MNAT1: variants seen among roughly 807,000 people sequenced by gnomAD.
MNAT1 encodes the protein CDK-activating kinase assembly factor MAT1.
In MNAT1, 43 loss-of-function variants were observed where a neutral mutation model predicts 42.0. The ratio of observed to expected loss-of-function variants is 1.02; its 90% CI spans 0.80 to 1.32. The LOEUF (loss-of-function observed/expected upper bound fraction) is 1.32. MNAT1 is among the 40% of genes most tolerant of loss of function. The probability of loss-of-function intolerance (pLI) is 0.00; values close to 1 mark genes in which losing one functional copy is unlikely to be tolerated. For missense variants in MNAT1, 306 were observed against 350.4 expected, an observed-to-expected ratio of 0.87 and a Z score of 1.01; for synonymous variants, 118 against 120.0, an observed-to-expected ratio of 0.98 and a Z score of 0.11.
rs929251695 is a variant in MNAT1 at position 60,859,742 on chromosome 14, C to T, written c.688-19972C>T. On this transcript the variant is annotated intron_variant, in intron 6 of 7. Coordinates refer to ENST00000261245, the MANE Select transcript of MNAT1 (RefSeq NM_002431.4). ...CAGTTCAGTCTCTTTCCTCTTGACA[C>T]CTTACTGATACCAGGAAGTTTTGAT... 3.3e-5 allele frequency among the ~76,000 whole-genome samples: 5 copies of T among 152,068 alleles called. No individual in the cohort carries two copies. The East Asian group carries it at 7.7e-4, about 23-fold the overall frequency.
At chr14:60,900,355 A>C (rs1414322211) in intron 7 of MNAT1, among the ~76,000 whole-genome samples, 1 of 152,356 alleles carries the variant, frequency 6.6e-6, no homozygotes, top group South Asian at 2.1e-4. Flanking sequence ...GAACACATGA[A>C]TGTTAAGAAA....
intron 4 of MNAT1, among the ~76,000 whole-genome samples, chr14:60,810,726 A>T (rs951704798): frequency 1.3e-5 from 2 of 152,170 alleles, no homozygotes; most frequent in African/African-American, 4.8e-5. Flanking sequence ...GTATGATTTC[A>T]GTCTTCTTAA....
At chr14:60,766,424 C>CT (rs1266709741) in intron 1 of MNAT1, among the ~76,000 whole-genome samples, 3 of 151,512 alleles carry the variant, frequency 2.0e-5, no homozygotes, top group African/African-American at 7.3e-5. Context: ...TTTTAAAAAT[C>CT]TTTTTGTGGC....
At chr14:60,910,319 C>T (rs1186447412) in intron 7 of MNAT1, among the ~76,000 whole-genome samples, 2 of 152,104 alleles carry the variant, frequency 1.3e-5, no homozygotes, top group African/African-American at 2.4e-5. Flanking sequence ...CTTTTATTTC[C>T]TTCTCCTGCC....
chr14:60,761,912 G>C, intron 1 of MNAT1, among the ~76,000 whole-genome samples: 1 of 151,982 alleles, frequency 6.6e-6, no homozygotes, highest in East Asian at 1.9e-4. Context: ...ATTTTGTGTG[G>C]TTTGACAGTT....
At chr14:60,962,973 A>G (rs943039506) in intron 7 of MNAT1, among the ~76,000 whole-genome samples, 1 of 148,876 alleles carries the variant, frequency 6.7e-6, no homozygotes, top group African/African-American at 2.5e-5. Flanking sequence ...TCATGAAGCC[A>G]TATGTTTTTT....
intron 6 of MNAT1, among the ~76,000 whole-genome samples, chr14:60,825,924 G>C (rs1490957729): frequency 6.6e-6 from 1 of 152,104 alleles, no homozygotes; most frequent in Non-Finnish European, 1.5e-5. Context: ...ACTTGGAGAG[G>C]AACCAAGGAA....
In MNAT1 at chr14:60,946,268, A is replaced by G. The variant is rs141895813; in HGVS notation, c.810-21961A>G. Among the ~76,000 whole-genome samples, 534 of 152,280 alleles carry G rather than the reference A, an allele frequency of 3.5e-3. 3 individuals are homozygous for G. The highest frequency in any genetic ancestry group is 0.011 in the African/African-American group (466 of 41,562). On this transcript the variant is annotated intron_variant, in intron 7 of 7. Transcript: ENST00000261245. ...TCCTCTGACTACTGCTCTTTCTTCC[A>G]TATTCAATGAAAAACCTTTGAAAAA...
intron 6 of MNAT1, among the ~76,000 whole-genome samples, chr14:60,859,512 T>C (rs75845874): frequency 0.02 from 3,080 of 152,266 alleles, 90 homozygotes; most frequent in African/African-American, 0.071. Context: ...AATATGAAGA[T>C]GAAAAAAATT....
At chr14:60,753,532 T>C (rs913931067) in intron 1 of MNAT1, 4 of 152,146 alleles carry the variant, frequency 2.6e-5, no homozygotes, top group African/African-American at 7.2e-5. Context: ...TCGCACAACA[T>C]AGTAGCTTTC....
intron 6 of MNAT1, among the ~76,000 whole-genome samples, chr14:60,863,040 TG>T (rs1238272686): frequency 1.3e-5 from 2 of 152,038 alleles, no homozygotes; most frequent in Non-Finnish European, 2.9e-5. Flanking sequence ...CTTGAGTTTG[TG>T]ATCGAAAGAT....
At chr14:60,758,253 T>G (rs577182918) in intron 1 of MNAT1, among the ~76,000 whole-genome samples, 1 of 151,446 alleles carries the variant, frequency 6.6e-6, no homozygotes, top group African/African-American at 2.4e-5. Flanking sequence ...GTTGCCCAGG[T>G]GAGAGTGCAG....
intron 3 of MNAT1, among the ~76,000 whole-genome samples, chr14:60,804,049 T>A (rs144079041): frequency 3.9e-5 from 6 of 152,328 alleles, no homozygotes; most frequent in Admixed American, 3.3e-4. Context: ...ATTCTTTTGG[T>A]GCAGAGAATA....
chr14:60,904,976 C>CTTTTTT lies in MNAT1; in HGVS notation c.809+25153_809+25158dup, dbSNP rs3081651. ...AAAACAATAGATTGTTCAGCAGTTC[C>CTTTTTT]TTTTTTTTTTTTTTTTTGGACGGAG... is the stretch of plus-strand genomic sequence containing the variant. On this transcript the variant is annotated intron_variant, in intron 7 of 7. Coordinates refer to ENST00000261245, the MANE Select transcript of MNAT1 (RefSeq NM_002431.4). 2.4e-4 allele frequency among the ~76,000 whole-genome samples: 19 copies of CTTTTTT among 79,010 alleles called. 7 individuals are homozygous for CTTTTTT. Among genetic ancestry groups the CTTTTTT allele is most frequent in the East Asian group, 1.9e-3 (5 of 2,626 alleles). 51.8% of individuals were successfully genotyped at this position (79,010 alleles called of 152,430 possible). A position where few individuals can be genotyped will look rare whatever the true frequency, so the allele number is the denominator to read the frequency against.
intron 1 of MNAT1, among the ~76,000 whole-genome samples, chr14:60,766,483 G>A (rs2030827066): frequency 6.6e-6 from 1 of 152,200 alleles, no homozygotes; most frequent in Non-Finnish European, 1.5e-5. Context: ...GGAGGCCAAG[G>A]CCGGTGGATC....
At chr14:60,948,629 C>T (rs187054343) in intron 7 of MNAT1, among the ~76,000 whole-genome samples, 18 of 152,204 alleles carry the variant, frequency 1.2e-4, no homozygotes, top group Non-Finnish European at 1.5e-4. Flanking sequence ...CTGACTTCTC[C>T]GGGTGACCAG....
intron 6 of MNAT1, among the ~76,000 whole-genome samples, chr14:60,873,341 A>G (rs2034369285): frequency 6.6e-6 from 1 of 152,134 alleles, no homozygotes. Context: ...TTATAGCCAT[A>G]AATATAAAAC....
At chr14:60,791,877 A>C (rs926262948) in intron 1 of MNAT1, among the ~76,000 whole-genome samples, 1 of 152,184 alleles carries the variant, frequency 6.6e-6, no homozygotes, top group Non-Finnish European at 1.5e-5. Flanking sequence ...ATATTCTTTT[A>C]AAATTCCAGT....
chr14:60,940,047 A>T (rs143903023), intron 7 of MNAT1, among the ~76,000 whole-genome samples: 27 of 152,272 alleles, frequency 1.8e-4, no homozygotes, highest in African/African-American at 5.8e-4. Context: ...AGAGACTAGG[A>T]TCGCAACCCC....
Sources: gnomAD v4.1 joint callset for allele counts (sites outside exome capture counted in the v4.1 genomes callset) on GRCh38, gnomAD v4.1.1 for gene constraint, MANE v1.5 for transcripts, NCBI Gene and HGNC (gene_info 2026-07-23, HGNC 2026-07-21) for gene names.